Variants in SOD2 observed in about 807,000 individuals in gnomAD.
The protein encoded by SOD2 is superoxide dismutase 2.
A neutral mutation model predicts 27.0 loss-of-function variants in SOD2; 11 were observed. The observed-to-expected ratio is 0.41, with a 90% confidence interval of 0.26 to 0.67. The LOEUF (loss-of-function observed/expected upper bound fraction) is 0.67, where lower values mean the gene tolerates loss of function less well. SOD2 is among the 30% of genes least tolerant of loss of function. The pLI, the probability that SOD2 is intolerant of heterozygous loss-of-function variation, is 0.34. For missense variants in SOD2, 250 were observed against 274.5 expected (o/e 0.91, Z 0.63); for synonymous variants, 105 against 103.0 (o/e 1.02, Z -0.12).
chr6:159,752,942 A>G (rs1779874828), intron 1 of SOD2, among the ~76,000 whole-genome samples: 2 of 152,198 alleles, frequency 1.3e-5, no homozygotes, highest in Non-Finnish European at 2.9e-5. Flanking sequence ...TATGTTGCCC[A>G]TGCTGGAGGA....
intron 4 of SOD2, 68 bp downstream of exon 4, chr6:159,684,786 T>C: frequency 2.4e-6 from 3 of 1,269,144 alleles, no homozygotes. Context: ...TTAGTTTTCC[T>C]TATTTCTAGT....
chr6:159,751,576 T>G (rs1421715266), intron 1 of SOD2, among the ~76,000 whole-genome samples: 1 of 152,250 alleles, frequency 6.6e-6, no homozygotes, highest in Non-Finnish European at 1.5e-5. Flanking sequence ...GGTGGAAATC[T>G]GGAGCTACAG....
upstream of SOD2, among the ~76,000 whole-genome samples, chr6:159,694,809 G>A (rs916705303): frequency 2.7e-5 from 4 of 147,352 alleles, no homozygotes; most frequent in African/African-American, 1.0e-4. Context: ...TCACTATGTT[G>A]GTCAGGATGG....
upstream of SOD2, among the ~76,000 whole-genome samples, chr6:159,746,785 T>G (rs1476208513): frequency 2.0e-5 from 3 of 152,236 alleles, no homozygotes; most frequent in Non-Finnish European, 2.9e-5. Context: ...AAACTAACTT[T>G]GAAAACACTT....
At chr6:159,700,486 C>T (rs1040542930) in intron 1 of SOD2, among the ~76,000 whole-genome samples, 1 of 152,044 alleles carries the variant, frequency 6.6e-6, no homozygotes, top group Non-Finnish European at 1.5e-5. Context: ...AACCCCATCT[C>T]CACTAAAAAT....
At chr6:159,704,856 C>T (rs1429497887) in intron 1 of SOD2, among the ~76,000 whole-genome samples, 1 of 152,218 alleles carries the variant, frequency 6.6e-6, no homozygotes, top group Non-Finnish European at 1.5e-5. Flanking sequence ...CCTGAGTAGC[C>T]TAACTGGGAG....
chr6:159,721,738 G>A (rs1487879450), intron 1 of SOD2, among the ~76,000 whole-genome samples: 3 of 125,450 alleles, frequency 2.4e-5, no homozygotes, highest in East Asian at 4.8e-4. Context: ...ATGTTGCCAG[G>A]TTGGTCTTGA....
chr6:159,755,393 G>A (rs1260459983), intron 1 of SOD2: 1 of 1,614,224 alleles, frequency 6.2e-7, no homozygotes, highest in Non-Finnish European at 8.5e-7. Context: ...TGGCAGAGGA[G>A]GTAGTGGTTA....
At chr6:159,751,569 G>A (rs977688718) in intron 1 of SOD2, among the ~76,000 whole-genome samples, 1 of 152,146 alleles carries the variant, frequency 6.6e-6, no homozygotes, top group African/African-American at 2.4e-5. Context: ...GGGAAATGGT[G>A]GAAATCTGGA....
chr6:159,727,150 C>G, exon 1 of SOD2: 2 of 1,195,420 alleles, frequency 1.7e-6, no homozygotes, highest in Non-Finnish European at 1.1e-6. Flanking sequence ...AGCTCCGGGG[C>G]CCGCGGAGCT....
upstream of SOD2, chr6:159,727,811 A>C (rs961999314): frequency 8.9e-6 from 7 of 790,194 alleles, no homozygotes; most frequent in African/African-American, 7.5e-5. Flanking sequence ...CCGAAAGGCC[A>C]CACGGGCCTG....
intron 2 of SOD2, among the ~76,000 whole-genome samples, chr6:159,688,995 A>C (rs1780321682): frequency 6.6e-6 from 1 of 152,188 alleles, no homozygotes; most frequent in Non-Finnish European, 1.5e-5. Flanking sequence ...CACTGGTGCC[A>C]CTATCCCCTC....
At chr6:159,736,229 A>T (rs1778905155) in intron 1 of SOD2, 1 of 1,581,474 alleles carries the variant, frequency 6.3e-7, no homozygotes, top group Admixed American at 1.8e-5. Context: ...AAATAAATTG[A>T]ACTTGTTTTC....
intron 1 of SOD2, chr6:159,726,738 A>G (rs1340012448): frequency 7.8e-7 from 1 of 1,279,670 alleles, no homozygotes; most frequent in Non-Finnish European, 1.0e-6. Flanking sequence ...AGAGAACAAT[A>G]GCTCCTCGAT....
intron 1 of SOD2, chr6:159,760,124 G>T (rs1231197961): frequency 7.2e-5 from 11 of 152,334 alleles, no homozygotes; most frequent in African/African-American, 2.6e-4. Context: ...AGATTGGAAG[G>T]TTTTTCTGGA....
intron 1 of SOD2, among the ~76,000 whole-genome samples, chr6:159,719,923 C>T (rs1777998924): frequency 6.6e-6 from 1 of 151,358 alleles, no homozygotes; most frequent in Admixed American, 6.6e-5. Context: ...AGGGTTTCAC[C>T]ATGTTGGCTA....
intron 4 of SOD2, 46 bp downstream of exon 4, chr6:159,684,808 C>T (rs1296410729): frequency 1.4e-6 from 2 of 1,469,228 alleles, no homozygotes; most frequent in Non-Finnish European, 1.9e-6. Flanking sequence ...GAATGCTTTA[C>T]AGTAGAGCAT....
intron 2 of SOD2, chr6:159,691,862 AG>A (rs1224958103): frequency 6.6e-6 from 1 of 152,238 alleles, no homozygotes; most frequent in African/African-American, 2.4e-5. Context: ...AGGGAAATCA[AG>A]AAAAGTATCA....
chr6:159,729,853 T>G (rs1778460915), upstream of SOD2, among the ~76,000 whole-genome samples: 2 of 152,204 alleles, frequency 1.3e-5, no homozygotes. Context: ...GGCGCTTGCC[T>G]CCGTTCAGAG....
Sources: gnomAD v4.1 joint callset for allele counts (sites outside exome capture counted in the v4.1 genomes callset) on GRCh38, gnomAD v4.1.1 for gene constraint, MANE v1.5 for transcripts, NCBI Gene and HGNC (gene_info 2026-07-23, HGNC 2026-07-21) for gene names.